Variants in NOX4 observed in about 807,000 individuals in gnomAD.
NOX4 encodes the protein NADPH oxidase 4.
Under a neutral mutation model 87.6 loss-of-function variants are expected in NOX4, and 69 were observed. The ratio of observed to expected loss-of-function variants is 0.79; its 90% CI spans 0.65 to 0.96. NOX4 has a LOEUF of 0.96. NOX4 is among the 40% of genes least tolerant of loss of function. The probability of loss-of-function intolerance (pLI) is 0.00; values close to 1 mark genes in which losing one functional copy is unlikely to be tolerated. For missense variants in NOX4, 680 were observed against 681.5 expected, an observed-to-expected ratio of 1.00 and a Z score of 0.02; for synonymous variants, 275 against 238.2, an observed-to-expected ratio of 1.15 and a Z score of -1.42.
intron 2 of NOX4, among the ~76,000 whole-genome samples, chr11:89,483,572 G>C (rs1324246099): frequency 6.7e-6 from 1 of 149,116 alleles, no homozygotes; most frequent in South Asian, 2.2e-4. Context: ...TACAGAAGTA[G>C]AGAGTAGAAT....
intron 11 of NOX4, among the ~76,000 whole-genome samples, chr11:89,379,947 C>T (rs532364346): frequency 7.9e-5 from 12 of 152,228 alleles, no homozygotes; most frequent in African/African-American, 2.9e-4. Flanking sequence ...CAGAGTGATC[C>T]TGTTGAAAAG....
intron 2 of NOX4, among the ~76,000 whole-genome samples, chr11:89,459,606 T>C (rs1945359937): frequency 1.3e-5 from 2 of 151,986 alleles, no homozygotes; most frequent in Admixed American, 6.6e-5. Context: ...TTACAAGGGA[T>C]GTGAAGGACC....
intron 11 of NOX4, among the ~76,000 whole-genome samples, chr11:89,388,233 C>G (rs952420773): frequency 6.6e-6 from 1 of 152,158 alleles, no homozygotes; most frequent in Non-Finnish European, 1.5e-5. Context: ...TGCTCAGACC[C>G]TTTCCCTTCC....
chr11:89,417,930 A>G (rs1942871870), intron 8 of NOX4, among the ~76,000 whole-genome samples: 1 of 152,120 alleles, frequency 6.6e-6, no homozygotes, highest in Non-Finnish European at 1.5e-5. Context: ...TTTAACTTCT[A>G]TAATATACTA....
At chr11:89,531,461 T>C in the NOX4 span, among the ~76,000 whole-genome samples, 60,002 of 152,030 alleles carry the variant, frequency 0.39, 12,345 homozygotes, top group African/African-American at 0.5. Context: ...TGAGTGAACT[T>C]GGTAGTCACT....
the NOX4 span, among the ~76,000 whole-genome samples, chr11:89,544,307 T>G: frequency 6.6e-6 from 1 of 152,160 alleles, no homozygotes; most frequent in Admixed American, 6.5e-5. Flanking sequence ...ATTTTACGTG[T>G]TTATTTATTG....
intron 11 of NOX4, among the ~76,000 whole-genome samples, chr11:89,393,454 T>TC (rs987888994): frequency 4.7e-4 from 72 of 152,012 alleles, no homozygotes; most frequent in African/African-American, 1.7e-3. Context: ...AAAAATCAAA[T>TC]CTTTCACCCA....
chr11:89,561,015 T>TATACATAC, the NOX4 span, among the ~76,000 whole-genome samples: 1 of 80,512 alleles, frequency 1.2e-5, no homozygotes, highest in African/African-American at 6.0e-5. Flanking sequence ...TATATATATA[T>TATACATAC]ATATACATAC....
At chr11:89,348,305 C>T (rs1946303933) in intron 13 of NOX4, among the ~76,000 whole-genome samples, 1 of 152,004 alleles carries the variant, frequency 6.6e-6, no homozygotes, top group African/African-American at 2.4e-5. Flanking sequence ...AGCCCAGCTA[C>T]TTGGGAGGCT....
chr11:89,471,947 G>A (rs1415062998), intron 2 of NOX4, among the ~76,000 whole-genome samples: 2 of 152,170 alleles, frequency 1.3e-5, no homozygotes, highest in Non-Finnish European at 2.9e-5. Context: ...TTCACCAGTT[G>A]GTGAGGCTGG....
intron 11 of NOX4, among the ~76,000 whole-genome samples, chr11:89,383,505 T>C (rs1405474400): frequency 3.3e-5 from 5 of 152,238 alleles, no homozygotes; most frequent in African/African-American, 1.2e-4. Context: ...TCACAGACAC[T>C]TTGGGTAACT....
chr11:89,358,245 G>C (rs749176695), intron 12 of NOX4, among the ~76,000 whole-genome samples: 24 of 151,614 alleles, frequency 1.6e-4, no homozygotes, highest in Non-Finnish European at 3.1e-4. Flanking sequence ...AATTAGTCGG[G>C]CATAGTGGTG....
At chr11:89,335,190 A>G (rs974430507) in intron 17 of NOX4, among the ~76,000 whole-genome samples, 5 of 151,806 alleles carry the variant, frequency 3.3e-5, no homozygotes, top group Admixed American at 1.3e-4. Flanking sequence ...GAATTCTTAT[A>G]GATCAGTGCT....
chr11:89,454,192 C>T (rs1054545968), intron 2 of NOX4, among the ~76,000 whole-genome samples: 15 of 151,940 alleles, frequency 9.9e-5, no homozygotes, highest in Non-Finnish European at 1.5e-5. Flanking sequence ...ATGTTTTAAC[C>T]TTTTTCTCTA....
chr11:89,403,766 T>C (rs1369208086), intron 8 of NOX4, among the ~76,000 whole-genome samples: 3 of 152,052 alleles, frequency 2.0e-5, no homozygotes, highest in Non-Finnish European at 4.4e-5. Context: ...ATAACAGCTA[T>C]GATGCTTTTA....
chr11:89,358,386 C>CAAAAAA (rs10558391), intron 12 of NOX4, among the ~76,000 whole-genome samples: 7 of 78,150 alleles, frequency 9.0e-5, no homozygotes, highest in Non-Finnish European at 1.0e-4. Context: ...AACTTAATCT[C>CAAAAAA]AAAAAAAAAA....
chr11:89,402,620 T>C (rs1332861791), intron 8 of NOX4, 78 bp from the exon 9 acceptor site: 4 of 1,026,374 alleles, frequency 3.9e-6, no homozygotes, highest in Non-Finnish European at 5.9e-6. Context: ...GAAAATAATG[T>C]TTTTGTTTTT....
At chr11:89,351,725 G>C (rs1270216370) in intron 13 of NOX4, among the ~76,000 whole-genome samples, 1 of 151,984 alleles carries the variant, frequency 6.6e-6, no homozygotes, top group Non-Finnish European at 1.5e-5. Context: ...TCTGTTTATA[G>C]ATAGCATGGT....
chr11:89,333,802 A>G, intron 17 of NOX4, among the ~76,000 whole-genome samples: 1 of 151,820 alleles, frequency 6.6e-6, no homozygotes, highest in East Asian at 1.9e-4. Flanking sequence ...TAAGTATGCT[A>G]CATAAAAATC....
Sources: allele counts gnomAD v4.1 joint callset (sites outside exome capture counted in the v4.1 genomes callset), GRCh38; gene constraint gnomAD v4.1.1; transcripts MANE v1.5; gene names NCBI Gene and HGNC (gene_info 2026-07-23, HGNC 2026-07-21).